Variants in CAMK2G observed in about 807,000 individuals in gnomAD.
CAMK2G encodes the protein calcium/calmodulin dependent protein kinase II gamma.
Under a neutral mutation model 88.7 loss-of-function variants are expected in CAMK2G, and 23 were observed. The ratio of observed to expected loss-of-function variants is 0.26; its 90% confidence interval spans 0.19 to 0.37. The LOEUF is 0.37. Among genes scored for constraint, CAMK2G ranks in the 10% least tolerant of loss-of-function variants. The pLI is 1.00. For missense variants in CAMK2G, 476 were observed against 780.8 expected, an observed-to-expected ratio of 0.61 and a Z score of 4.65; for synonymous variants, 263 against 294.8, an observed-to-expected ratio of 0.89 and a Z score of 1.11.
chr10:73,863,407 C>T (rs534854643), intron 2 of CAMK2G, among the ~76,000 whole-genome samples: 6 of 152,216 alleles, frequency 3.9e-5, no homozygotes, highest in African/African-American at 7.2e-5. Flanking sequence ...GGCTGGGGGG[C>T]TTGCTTCTTC....
At chr10:73,845,733 A>G (rs781061272) in intron 10 of CAMK2G, among the ~76,000 whole-genome samples, 5 of 151,930 alleles carry the variant, frequency 3.3e-5, no homozygotes, top group African/African-American at 4.8e-5. Flanking sequence ...AGAGAATTAA[A>G]TCCTTTAGGT....
chr10:73,834,983 T>C (rs184136671), intron 14 of CAMK2G, among the ~76,000 whole-genome samples: 5 of 150,226 alleles, frequency 3.3e-5, no homozygotes, highest in African/African-American at 9.7e-5. Context: ...AGAATCATCA[T>C]GCTGTTTCAA....
intron 22 of CAMK2G, 47 bp downstream of exon 22, chr10:73,814,956 C>G: frequency 7.5e-7 from 1 of 1,339,410 alleles, no homozygotes; most frequent in Non-Finnish European, 1.0e-6. Flanking sequence ...TCTGACCCCA[C>G]CTATCCCAGG....
At chr10:73,837,405 A>C (rs1000002170) in intron 14 of CAMK2G, 63 bp downstream of exon 14, 4 of 1,331,774 alleles carry the variant, frequency 3.0e-6, no homozygotes, top group Admixed American at 3.4e-5. Flanking sequence ...CCAGGTGCCA[A>C]GAATTCCCAT....
intron 5 of CAMK2G, among the ~76,000 whole-genome samples, chr10:73,851,186 C>G (rs1429337420): frequency 6.6e-6 from 1 of 152,256 alleles, no homozygotes; most frequent in Non-Finnish European, 1.5e-5. Context: ...AAGCTGCACT[C>G]CCCCACTCTC....
At position 73,842,614 on chromosome 10, in the gene CAMK2G, C is replaced by A. The variant is rs1333920636; in HGVS notation, c.820-73G>T. ...GCCTCCCACAGTCCTGGCACCGATACCATGCCCAGGACAGGGTCATGCACT... is the reference window on the plus strand; with the variant it reads ...GCCTCCCACAGTCCTGGCACCGATAACATGCCCAGGACAGGGTCATGCACT... On this transcript the variant is annotated intron_variant, in intron 10 of 22. Coordinates refer to ENST00000423381, the MANE Select transcript of CAMK2G (RefSeq NM_001367534.1). This position sits in a 1 kb window ranked among gnomAD's most constrained non-coding sequence, Gnocchi z 4.6. The A allele has an allele frequency of 3.7e-6, 4 of 1,088,326 alleles. No individual in the cohort carries two copies. The highest frequency in any genetic ancestry group is 5.7e-6 in the Non-Finnish European group (4 of 706,642). 67.4% of individuals were successfully genotyped at this position (1,088,326 alleles called of 1,614,324 possible).
At chr10:73,820,493 T>TATG (rs1491202927) in intron 18 of CAMK2G, among the ~76,000 whole-genome samples, 1 of 31,268 alleles carries the variant, frequency 3.2e-5, no homozygotes, top group South Asian at 1.4e-3. Context: ...TATATATATA[T>TATG]TTTTTTTTTT....
In CAMK2G at chr10:73,853,304, C is replaced by T. The variant is rs987718884; in HGVS notation, c.221-58G>A. The T allele has an allele frequency of 1.2e-5, 18 of 1,502,542 alleles. No homozygotes were observed. In the Admixed American group the frequency reaches 3.1e-4, roughly 25 times the overall value. The allele number at this position is 1,502,542 out of a possible 1,614,324, so 93.1% of individuals were successfully genotyped here. A position where few individuals can be genotyped will look rare whatever the true frequency, so the allele number is the denominator to read the frequency against. On this transcript the variant is annotated intron_variant, in intron 3 of 22. Coordinates refer to ENST00000423381, the MANE Select transcript of CAMK2G (RefSeq NM_001367534.1). Reference sequence around the variant, plus strand: ...AGAGAGAAAACTTGGAAATCCTAGGCTTCTCCTCAGCAGCCCCACCCCTGC... The same window carrying T: ...AGAGAGAAAACTTGGAAATCCTAGGTTTCTCCTCAGCAGCCCCACCCCTGC...
chr10:73,824,122 G>GA (rs745951149), intron 16 of CAMK2G, 38 bp from the exon 17 acceptor site: 4 of 1,552,220 alleles, frequency 2.6e-6, no homozygotes. Context: ...CCGACTTGGG[G>GA]ACAGACTATG....
At chr10:73,817,289 C>T (rs2085973434) in intron 20 of CAMK2G, among the ~76,000 whole-genome samples, 172 bp from the exon 21 acceptor site, 1 of 152,166 alleles carries the variant, frequency 6.6e-6, no homozygotes, top group Admixed American at 6.5e-5. Context: ...TGCTTTCGGC[C>T]CACTGCCAGG....
chr10:73,863,508 G>A (rs1230084980), intron 2 of CAMK2G, among the ~76,000 whole-genome samples: 1 of 152,212 alleles, frequency 6.6e-6, no homozygotes, highest in African/African-American at 2.4e-5. Context: ...CAAAGCTACA[G>A]ACCCACGGCC....
Position 73,813,753 on chromosome 10 carries a change from T to A in CAMK2G, c.*765A>T, listed in dbSNP as rs1018919986. On this transcript the variant is annotated 3_prime_UTR_variant, in exon 23 of 23. Transcript: ENST00000423381. ...GGGCCCACATGCATTGTGCATCCTA[T>A]AGAAATGGATGAGTGAGTGCATGTC... 1.3e-5 allele frequency: 2 copies of A among 152,706 alleles called. No homozygotes were observed. The highest frequency in any genetic ancestry group is 2.9e-5 in the Non-Finnish European group (2 of 68,060). 9.5% of individuals were successfully genotyped at this position (152,706 alleles called of 1,614,324 possible).
intron 21 of CAMK2G, chr10:73,816,806 C>T (rs774587456): frequency 6.6e-7 from 1 of 1,521,072 alleles, no homozygotes; most frequent in South Asian, 1.2e-5. Flanking sequence ...CACAAAGCAG[C>T]TGCAGAATGA....
At chr10:73,835,638 A>G (rs929800085) in intron 14 of CAMK2G, among the ~76,000 whole-genome samples, 3 of 151,918 alleles carry the variant, frequency 2.0e-5, no homozygotes, top group African/African-American at 7.3e-5. Context: ...TCCCTGCTCA[A>G]TGGCCTATGG....
intron 3 of CAMK2G, among the ~76,000 whole-genome samples, chr10:73,859,385 A>G (rs987534792): frequency 2.0e-5 from 3 of 152,160 alleles, no homozygotes; most frequent in Admixed American, 6.5e-5. Flanking sequence ...TTCTTTTTTC[A>G]AAATGTGAAA....
intron 14 of CAMK2G, chr10:73,837,053 A>G (rs1049544793): frequency 5.1e-6 from 1 of 197,556 alleles, no homozygotes; most frequent in African/African-American, 2.3e-5. Context: ...TCAGGTTCCA[A>G]GCCCTATACC....
chr10:73,864,409 A>G (rs1424719578), intron 2 of CAMK2G, among the ~76,000 whole-genome samples: 2 of 152,074 alleles, frequency 1.3e-5, no homozygotes, highest in East Asian at 3.9e-4. Flanking sequence ...TGGAGCTGAC[A>G]CTCTAGTGGG....
At chr10:73,847,110 A>G in intron 10 of CAMK2G, 115 bp downstream of exon 10, 1 of 1,088,952 alleles carries the variant, frequency 9.2e-7, no homozygotes, top group East Asian at 2.4e-5. Flanking sequence ...CCGCCTGCTC[A>G]GTTATTGCTT....
intron 3 of CAMK2G, among the ~76,000 whole-genome samples, chr10:73,858,155 G>A (rs1441029846): frequency 6.6e-6 from 1 of 152,182 alleles, no homozygotes; most frequent in African/African-American, 2.4e-5. Context: ...CTATTAAGGG[G>A]AAACTGGGCA....
Sources: gnomAD v4.1 joint callset for allele counts (sites outside exome capture counted in the v4.1 genomes callset) on GRCh38, gnomAD v4.1.1 for gene constraint, Gnocchi (gnomAD v3.1) non-coding constraint, MANE v1.5 for transcripts, NCBI Gene and HGNC (gene_info 2026-07-23, HGNC 2026-07-21) for gene names.